COG3: variants seen among roughly 807,000 people sequenced by gnomAD.
COG3 encodes the protein conserved oligomeric Golgi complex subunit 3.
A neutral mutation model predicts 114.1 loss-of-function variants in COG3; 32 were observed. The ratio of observed to expected loss-of-function variants is 0.28; its 90% CI spans 0.21 to 0.38. The LOEUF (loss-of-function observed/expected upper bound fraction) is 0.38, where lower values mean the gene tolerates loss of function less well. COG3 is among the 10% of genes least tolerant of loss of function. The pLI is 1.00. For missense variants in COG3, 813 were observed against 973.2 expected, an observed-to-expected ratio of 0.84 and a Z score of 2.19; for synonymous variants, 352 against 365.7, an observed-to-expected ratio of 0.96 and a Z score of 0.43.
intron 15 of COG3, among the ~76,000 whole-genome samples, chr13:45,510,222 T>C (rs1420981133): frequency 6.6e-6 from 1 of 152,232 alleles, no homozygotes; most frequent in East Asian, 1.9e-4. Flanking sequence ...ATATTTTATA[T>C]TGTAGGACTG....
At position 45,535,395 on chromosome 13, in the gene COG3, T is replaced by C. The variant is rs745402773; in HGVS notation, c.*664T>C. On this transcript the variant is annotated 3_prime_UTR_variant, in exon 23 of 23. Transcript: ENST00000349995. ...TGAATTGCTTAGGTGCAGACAGTTC[T>C]AAAGCAAGGAGCTGCAGCATTCTCA... 1.1e-4 allele frequency: 110 copies of C among 985,324 alleles called. No homozygotes were observed. The highest frequency in any genetic ancestry group is 1.3e-4 in the Non-Finnish European group (107 of 829,938). The allele number at this position is 985,324 out of a possible 1,614,324, so 61.0% of individuals were successfully genotyped here.
At chr13:45,519,811 T>C (rs1230885132) in intron 19 of COG3, among the ~76,000 whole-genome samples, 3 of 152,242 alleles carry the variant, frequency 2.0e-5, no homozygotes, top group East Asian at 1.9e-4. Flanking sequence ...GGACTGACTA[T>C]ATGTGTGGAT....
At position 45,478,993 on chromosome 13, in the gene COG3, CTG is replaced by C. The variant is rs1886085065; in HGVS notation, c.322-10_322-9del. The C allele has an allele frequency of 1.2e-6, 2 of 1,602,064 alleles. No individual in the cohort carries two copies. Among genetic ancestry groups the C allele is most frequent in the Admixed American group, 3.4e-5 (2 of 59,080 alleles). On this transcript the variant is annotated splice_polypyrimidine_tract_variant and intron_variant, in intron 2 of 22. Coordinates refer to ENST00000349995, the MANE Select transcript of COG3 (RefSeq NM_031431.4). ...TTAGTTTTGTTCACAATATAATACT[CTG>C]TTTTTCCAGTTTTTCTCATGGTTTG...
intron 13 of COG3, among the ~76,000 whole-genome samples, chr13:45,499,159 A>T (rs1407194005): frequency 6.6e-6 from 1 of 151,980 alleles, no homozygotes; most frequent in African/African-American, 2.4e-5. Flanking sequence ...GTTCAGATCC[A>T]GTTCCACAGG....
intron 12 of COG3, among the ~76,000 whole-genome samples, chr13:45,494,300 A>G (rs1225047608): frequency 6.6e-5 from 10 of 150,694 alleles, no homozygotes; most frequent in African/African-American, 2.4e-4. Context: ...ACCCCAGCCC[A>G]GGCAACAACA....
chr13:45,520,432 T>G (rs1033197320), intron 19 of COG3, among the ~76,000 whole-genome samples: 3 of 152,240 alleles, frequency 2.0e-5, no homozygotes, highest in Non-Finnish European at 4.4e-5. Context: ...GGCTCTTATT[T>G]TCAAATTTGA....
chr13:45,504,501 G>A (rs1869906706), intron 14 of COG3, among the ~76,000 whole-genome samples: 1 of 152,058 alleles, frequency 6.6e-6, no homozygotes, highest in African/African-American at 2.4e-5. Flanking sequence ...ACCCATTACT[G>A]GCATTACAAT....
At chr13:45,465,282 C>T (rs1593662881) in intron 1 of COG3, 72 bp downstream of exon 1, 2 of 1,564,048 alleles carry the variant, frequency 1.3e-6, no homozygotes, top group Admixed American at 1.9e-5. Flanking sequence ...GGCAGGACCC[C>T]GGCCTCACTA....
intron 4 of COG3, among the ~76,000 whole-genome samples, chr13:45,480,913 T>A (rs1189798073): frequency 6.6e-6 from 1 of 152,220 alleles, no homozygotes; most frequent in Non-Finnish European, 1.5e-5. Context: ...TGGTGAGATT[T>A]TGAAAAGATC....
chr13:45,485,135 G>GA (rs1886513713), intron 7 of COG3, among the ~76,000 whole-genome samples: 2 of 122,360 alleles, frequency 1.6e-5, no homozygotes, highest in Non-Finnish European at 3.6e-5. Context: ...CAGACGGGGC[G>GA]GTGGCCGGGC....
At chr13:45,472,079 GA>G (rs1885543408) in intron 1 of COG3, among the ~76,000 whole-genome samples, 1 of 152,136 alleles carries the variant, frequency 6.6e-6, no homozygotes, top group Non-Finnish European at 1.5e-5. Flanking sequence ...ATTTTAAACA[GA>G]TAATTCTCTA....
intron 13 of COG3, among the ~76,000 whole-genome samples, chr13:45,501,136 A>C (rs189231520): frequency 6.6e-6 from 1 of 152,146 alleles, no homozygotes; most frequent in Non-Finnish European, 1.5e-5. Flanking sequence ...CCGTGCAGTT[A>C]CTCCTCTTCC....
At chr13:45,497,692 G>C (rs1293407232) in intron 13 of COG3, among the ~76,000 whole-genome samples, 1 of 151,942 alleles carries the variant, frequency 6.6e-6, no homozygotes, top group East Asian at 1.9e-4. Context: ...AGGTTGAGAT[G>C]GGAAGATTAC....
chr13:45,465,561 ACT>A (rs1314433297), intron 1 of COG3: 6 of 210,012 alleles, frequency 2.9e-5, no homozygotes, highest in Non-Finnish European at 5.8e-5. Context: ...CCTGCTGCCC[ACT>A]CTCTCCCAGA....
At chr13:45,467,513 AC>A (rs1885219837) in intron 1 of COG3, among the ~76,000 whole-genome samples, 1 of 152,164 alleles carries the variant, frequency 6.6e-6, no homozygotes, top group Admixed American at 6.5e-5. Context: ...AATCACTTGA[AC>A]CCAGAAGGCA....
In COG3 at chr13:45,496,246, G is replaced by A. The variant is rs145020928; in HGVS notation, c.1422G>A (p.Thr474=). Residue 474 remains threonine, a synonymous_variant, in exon 13 of 23, where the codon ACG becomes ACA. Transcript: ENST00000349995. ...ACCGAACCCACATCTATATTCAGACGGACATCACGGGCTATAAACCAGCTC... is the reference window on the plus strand; with the variant it reads ...ACCGAACCCACATCTATATTCAGACAGACATCACGGGCTATAAACCAGCTC... ...LVYRTHIYIQ[T]DITGYKPAPG... 1.6e-5 allele frequency: 25 copies of A among 1,612,334 alleles called. No homozygotes were observed. The highest frequency in any genetic ancestry group is 1.7e-4 in the Middle Eastern group (1 of 6,052).
intron 20 of COG3, among the ~76,000 whole-genome samples, chr13:45,527,130 G>A (rs1199706117): frequency 6.6e-6 from 1 of 152,196 alleles, no homozygotes; most frequent in African/African-American, 2.4e-5. Context: ...CCTTTGGAAA[G>A]ATCCTCTCTC....
At chr13:45,530,032 T>G in intron 21 of COG3, 114 bp downstream of exon 21, 1 of 1,147,334 alleles carries the variant, frequency 8.7e-7, no homozygotes, top group Non-Finnish European at 1.2e-6. Context: ...ACTGTTCTAG[T>G]GAAGTTGAAT....
chr13:45,526,113 G>T (rs1376018464), intron 20 of COG3, among the ~76,000 whole-genome samples: 13 of 40,920 alleles, frequency 3.2e-4, no homozygotes, highest in Admixed American at 7.9e-4. Context: ...TTTTGAGATG[G>T]AGTCTTGCTC....
Sources: allele counts gnomAD v4.1 joint callset (sites outside exome capture counted in the v4.1 genomes callset), GRCh38; gene constraint gnomAD v4.1.1; transcripts MANE v1.5; gene names NCBI Gene and HGNC (gene_info 2026-07-23, HGNC 2026-07-21).